The following MARF1 variants were observed in gnomAD, a reference collection of about 807,000 sequenced individuals.
MARF1 encodes meiosis regulator and mRNA stability factor 1.
MARF1 carries 24 observed loss-of-function variants against 168.2 expected under a neutral mutation model. The ratio of observed to expected loss-of-function variants is 0.14; its 90% CI spans 0.10 to 0.20. The LOEUF (loss-of-function observed/expected upper bound fraction) is 0.20. Among genes scored for constraint, MARF1 ranks in the 10% least tolerant of loss-of-function variants. The pLI, the probability that MARF1 is intolerant of heterozygous loss-of-function variation, is 1.00. For synonymous variants in MARF1, 868 were observed against 822.4 expected (o/e 1.06, Z -0.95); for missense variants, 1,744 against 2,143.6 (o/e 0.81, Z 3.68).
intron 7 of MARF1, among the ~76,000 whole-genome samples, chr16:15,627,574 C>T (rs1204002251): frequency 1.3e-5 from 2 of 152,062 alleles, no homozygotes; most frequent in Admixed American, 6.6e-5. Flanking sequence ...GCGGAGATCA[C>T]GCCACTGCAC....
chr16:15,611,520 T>C, intron 18 of MARF1, 72 bp downstream of exon 18: 1 of 1,326,746 alleles, frequency 7.5e-7, no homozygotes, highest in Non-Finnish European at 1.0e-6. Flanking sequence ...ACTAGATAAC[T>C]ATTTAGAGTT....
chr16:15,636,470 C>T, intron 2 of MARF1, 128 bp from the exon 3 acceptor site: 1 of 679,394 alleles, frequency 1.5e-6, no homozygotes, highest in South Asian at 2.2e-5. Flanking sequence ...CATAACTGAA[C>T]AAAATGGAAT....
At chr16:15,615,169 T>C (rs2151140838) in intron 16 of MARF1, among the ~76,000 whole-genome samples, 1 of 152,302 alleles carries the variant, frequency 6.6e-6, no homozygotes, top group South Asian at 2.1e-4. Context: ...ATGTGAAATT[T>C]GAGTTTCAAA....
At chr16:15,634,501 C>A (rs1346417831) in intron 4 of MARF1, among the ~76,000 whole-genome samples, 1 of 152,084 alleles carries the variant, frequency 6.6e-6, no homozygotes, top group East Asian at 1.9e-4. Context: ...TCTTTTCCAG[C>A]ACTTTTATTT....
chr16:15,604,375 T>C lies in MARF1; in HGVS notation c.4206A>G (p.Arg1402=), dbSNP rs758628280. The change falls in exon 22 of 27, where the codon AGA becomes AGG. Residue 1402 remains arginine, a synonymous_variant. Coordinates refer to ENST00000396368, the MANE Select transcript of MARF1 (RefSeq NM_014647.4). ...ACTTTCGGTTGATCAGCTGAATCTG[T>C]CTGCCAGATTCTATATCGGCAACCT... ...VVKVADIESG[R]QIQLINRKSL... The C allele has an allele frequency of 6.2e-7, 1 of 1,613,668 alleles. No homozygotes were observed. The highest frequency in any genetic ancestry group is 1.3e-5 in the African/African-American group (1 of 74,910).
chr16:15,605,747 C>T (rs1473561196), intron 21 of MARF1: 1 of 152,124 alleles, frequency 6.6e-6, no homozygotes, highest in Non-Finnish European at 1.5e-5. Context: ...TGGAGAAGCT[C>T]CCAGGAGACC....
rs3752423 is a variant in MARF1 at position 15,630,187 on chromosome 16, G to A, written c.1524+145C>T. On this transcript the variant is annotated intron_variant, in intron 7 of 26. Transcript: ENST00000396368. Reference sequence around the variant, plus strand: ...CTGTATATTTGTGAGAAGAACCGAAGGTTTCTAAGCCTTACTTCAAAATCT... The same window carrying A: ...CTGTATATTTGTGAGAAGAACCGAAAGTTTCTAAGCCTTACTTCAAAATCT... The A allele has an allele frequency of 6.2e-4, 352 of 571,096 alleles. 1 individual carries two copies. In the East Asian group the frequency reaches 0.01, roughly 17 times the overall value. 35.4% of individuals were successfully genotyped at this position (571,096 alleles called of 1,614,324 possible). A position where few individuals can be genotyped will look rare whatever the true frequency, so the allele number is the denominator to read the frequency against.
intron 23 of MARF1, chr16:15,601,591 T>C (rs970418191): frequency 1.4e-5 from 4 of 290,964 alleles, no homozygotes; most frequent in African/African-American, 8.6e-5. Context: ...CTCCCCTCCT[T>C]GTCACGTGCT....
intron 16 of MARF1, among the ~76,000 whole-genome samples, chr16:15,614,481 CAAAAAA>C (rs59862823): frequency 2.1e-5 from 1 of 47,694 alleles, no homozygotes; most frequent in African/African-American, 9.1e-5. Flanking sequence ...GACTCCGTCT[CAAAAAA>C]AAAAAAAAAA....
At chr16:15,629,722 T>C (rs2035122199) in intron 7 of MARF1, among the ~76,000 whole-genome samples, 1 of 152,122 alleles carries the variant, frequency 6.6e-6, no homozygotes, top group Admixed American at 6.5e-5. Context: ...AACATTCTTA[T>C]CCCAAGTCAA....
intron 22 of MARF1, chr16:15,602,837 T>G (rs1370501021): frequency 1.7e-5 from 5 of 299,838 alleles, no homozygotes; most frequent in Non-Finnish European, 3.3e-5. Flanking sequence ...GCCATTAAAC[T>G]GCACCTCCAA....
chr16:15,608,211 G>T, intron 21 of MARF1, 80 bp downstream of exon 21: 1 of 880,370 alleles, frequency 1.1e-6, no homozygotes, highest in Non-Finnish European at 1.7e-6. Context: ...TACAGCACAC[G>T]CAAACGTCCT....
chr16:15,603,832 C>A (rs1264346672), intron 22 of MARF1, among the ~76,000 whole-genome samples: 35 of 152,294 alleles, frequency 2.3e-4, no homozygotes, highest in Non-Finnish European at 2.1e-4. Flanking sequence ...CAAGCCACCA[C>A]ATAAACCATC....
intron 22 of MARF1, chr16:15,602,459 G>A (rs1486465242): frequency 2.0e-5 from 12 of 595,790 alleles, no homozygotes; most frequent in Admixed American, 6.4e-5. Flanking sequence ...AGATAAAGAC[G>A]ACAAAGATGA....
chr16:15,611,828 A>C, intron 17 of MARF1, 94 bp from the exon 18 acceptor site: 1 of 1,015,164 alleles, frequency 9.9e-7, no homozygotes, highest in South Asian at 1.5e-5. Context: ...GCCTCAGAGC[A>C]TGACTCCCTT....
chr16:15,621,692 A>G, intron 12 of MARF1, 41 bp downstream of exon 12: 3 of 1,578,090 alleles, frequency 1.9e-6, no homozygotes, highest in South Asian at 1.1e-5. Flanking sequence ...TTTCTGGGTC[A>G]AATGTTATTT....
chr16:15,621,882 T>C lies in MARF1; in HGVS notation c.2490A>G (p.Thr830=), dbSNP rs1213944588. 2 of 1,614,126 alleles carry C rather than the reference T, an allele frequency of 1.2e-6. No homozygotes were observed. The highest frequency in any genetic ancestry group is 1.1e-5 in the South Asian group (1 of 91,086). ...KVKSVELSPH[T]DYQLKAVVQM... ...GCACAACAGCCTTGAGTTGATAATCTGTATGGGGGCTGAGCTCAACACTCT... is the reference window on the plus strand; with the variant it reads ...GCACAACAGCCTTGAGTTGATAATCCGTATGGGGGCTGAGCTCAACACTCT... The change falls in exon 12 of 27, where the codon ACA becomes ACG. Residue 830 remains threonine, a synonymous_variant. Transcript: ENST00000396368.
chr16:15,627,280 G>C (rs1377017429), intron 7 of MARF1, among the ~76,000 whole-genome samples: 1 of 151,538 alleles, frequency 6.6e-6, no homozygotes, highest in African/African-American at 2.4e-5. Flanking sequence ...TTGAGGTCAG[G>C]AGTTCAAGAC....
intron 7 of MARF1, among the ~76,000 whole-genome samples, chr16:15,629,063 C>T (rs1428298145): frequency 1.4e-5 from 2 of 146,992 alleles, no homozygotes; most frequent in Non-Finnish European, 3.0e-5. Context: ...GAAACAGAGT[C>T]TCGCTCTGTC....
Sources: allele counts gnomAD v4.1 joint callset (sites outside exome capture counted in the v4.1 genomes callset), GRCh38; gene constraint gnomAD v4.1.1; transcripts MANE v1.5; gene names NCBI Gene and HGNC (gene_info 2026-07-23, HGNC 2026-07-21).